The following PRKCB variants were observed in gnomAD, a reference collection of about 807,000 sequenced individuals.
The protein encoded by PRKCB is protein kinase C beta type.
PRKCB carries 13 observed loss-of-function variants against 81.5 expected under a neutral mutation model. The ratio of observed to expected loss-of-function variants is 0.16; its 90% confidence interval spans 0.10 to 0.25. The LOEUF is 0.25. Among genes scored for constraint, PRKCB ranks in the 10% least tolerant of loss-of-function variants. The pLI is 1.00. For synonymous variants in PRKCB, 335 were observed against 321.4 expected, an observed-to-expected ratio of 1.04 and a Z score of -0.45; for missense variants, 509 against 875.7, an observed-to-expected ratio of 0.58 and a Z score of 5.29.
At chr16:24,108,988 C>T (rs1966624077) in intron 7 of PRKCB, among the ~76,000 whole-genome samples, 1 of 146,320 alleles carries the variant, frequency 6.8e-6, no homozygotes, top group Admixed American at 6.7e-5. Flanking sequence ...GGGACTGACC[C>T]CCCCACCTCC....
At chr16:24,032,066 C>A in intron 3 of PRKCB, 70 bp from the exon 4 acceptor site, 1 of 1,132,404 alleles carries the variant, frequency 8.8e-7, no homozygotes, top group Non-Finnish European at 1.3e-6. Flanking sequence ...TCCAGTGCCT[C>A]TCGATGTAGG....
At chr16:24,022,903 G>C (rs112939268) in intron 3 of PRKCB, among the ~76,000 whole-genome samples, 300 of 152,316 alleles carry the variant, frequency 2.0e-3, no homozygotes, top group African/African-American at 6.7e-3. Flanking sequence ...GCTTGATATA[G>C]CTTCTGGGTT....
At position 23,854,594 on chromosome 16, in the gene PRKCB, G is replaced by A. The variant is rs147818489; in HGVS notation, c.205+17188G>A. The stretch of plus-strand genomic sequence containing the variant: ...ATATGCTGATGGGTGCATTCTCTGG[G>A]CATGAGCAAGGGCTGCAGGGCTTCT... On this transcript the variant is annotated intron_variant, in intron 2 of 16. Coordinates refer to ENST00000643927, the MANE Select transcript of PRKCB (RefSeq NM_002738.7). Among the ~76,000 whole-genome samples, 425 of 152,256 alleles carry A rather than the reference G, an allele frequency of 2.8e-3. 2 individuals carry two copies. The highest frequency in any genetic ancestry group is 9.9e-3 in the African/African-American group (410 of 41,528).
chr16:23,928,549 C>T (rs370403303), intron 2 of PRKCB, among the ~76,000 whole-genome samples: 10 of 152,062 alleles, frequency 6.6e-5, no homozygotes, highest in African/African-American at 2.4e-4. Context: ...AGGGTGGAGA[C>T]GCTGTCAGTG....
chr16:24,179,036 TCTGGTGACCC>T, intron 12 of PRKCB, among the ~76,000 whole-genome samples: 1 of 152,322 alleles, frequency 6.6e-6, no homozygotes, highest in East Asian at 1.9e-4. Context: ...CTTCTTTTCA[TCTGGTGACCC>T]CTGGAGTTTC....
At chr16:24,007,624 T>A (rs1015030364) in intron 3 of PRKCB, among the ~76,000 whole-genome samples, 15 of 152,274 alleles carry the variant, frequency 9.9e-5, no homozygotes, top group African/African-American at 3.6e-4. Flanking sequence ...AGCAAATCCA[T>A]GATGCTGGAA....
In PRKCB at chr16:24,215,565, C is replaced by G; in HGVS notation, c.*749C>G. 1.0e-6 allele frequency: 1 copy of G among 985,234 alleles called. No homozygotes were observed. The highest frequency in any genetic ancestry group is 1.2e-6 in the Non-Finnish European group (1 of 829,826). 61.0% of individuals were successfully genotyped at this position (985,234 alleles called of 1,614,324 possible). A position where few individuals can be genotyped will look rare whatever the true frequency, so the allele number is the denominator to read the frequency against. On this transcript the variant is annotated 3_prime_UTR_variant, in exon 17 of 17. Coordinates refer to ENST00000643927, the MANE Select transcript of PRKCB (RefSeq NM_002738.7). ...AACACAGTCACTCTAGCAAGGCCCC[C>G]AAAGGGCCCTGGTTTTACATTACAT... is the stretch of plus-strand genomic sequence containing the variant.
intron 15 of PRKCB, among the ~76,000 whole-genome samples, chr16:24,187,976 A>G (rs1191938412): frequency 2.0e-5 from 3 of 152,236 alleles, no homozygotes; most frequent in African/African-American, 7.2e-5. Flanking sequence ...AGCTCCTTGC[A>G]TGATGTGGGC....
chr16:23,919,644 C>T (rs1481708433), intron 2 of PRKCB, among the ~76,000 whole-genome samples: 1 of 152,200 alleles, frequency 6.6e-6, no homozygotes, highest in Admixed American at 6.5e-5. Flanking sequence ...ATTTCTCAAA[C>T]TCAAAACTCA....
intron 10 of PRKCB, among the ~76,000 whole-genome samples, chr16:24,156,435 C>A (rs1967158534): frequency 1.3e-5 from 2 of 152,068 alleles, no homozygotes; most frequent in South Asian, 4.2e-4. Flanking sequence ...CCACCACGCC[C>A]AGCTAATTTT....
In PRKCB at chr16:24,163,186, G is replaced by A. The variant is rs115652537; in HGVS notation, c.1239+8329G>A. Among the ~76,000 whole-genome samples, 552 of 152,276 alleles carry A rather than the reference G, an allele frequency of 3.6e-3. 3 individuals are homozygous for A. The highest frequency in any genetic ancestry group is 0.013 in the African/African-American group (525 of 41,548). ...TAACTCACTAGGAACCTTTTAAAAG[G>A]GGTTGTATCTACAGGGAGGGAATAA... On this transcript the variant is annotated intron_variant, in intron 10 of 16. Transcript: ENST00000643927.
intron 16 of PRKCB, among the ~76,000 whole-genome samples, chr16:24,201,831 C>T (rs556566337): frequency 1.3e-5 from 2 of 152,144 alleles, no homozygotes; most frequent in South Asian, 2.1e-4. Flanking sequence ...GTCAGGAGAT[C>T]GAGACCATCT....
Position 24,215,983 on chromosome 16 carries a change from C to T in PRKCB, c.*1167C>T. Reference sequence around the variant, plus strand: ...CCATTTTTCTTCTAGCATCGAGATACAATAAAAAAAAAAAAAAAGAAAAGA... The same window carrying T: ...CCATTTTTCTTCTAGCATCGAGATATAATAAAAAAAAAAAAAAAGAAAAGA... On this transcript the variant is annotated 3_prime_UTR_variant, in exon 17 of 17. Transcript: ENST00000643927. The T allele has an allele frequency of 8.2e-6, 7 of 855,344 alleles. No homozygotes were observed. The highest frequency in any genetic ancestry group is 9.5e-6 in the Non-Finnish European group (7 of 735,020). The allele number at this position is 855,344 out of a possible 1,614,324, so 53.0% of individuals were successfully genotyped here. A position where few individuals can be genotyped will look rare whatever the true frequency, so the allele number is the denominator to read the frequency against.
intron 8 of PRKCB, among the ~76,000 whole-genome samples, chr16:24,117,859 C>CA (rs542280260): frequency 2.6e-3 from 401 of 152,338 alleles, no homozygotes; most frequent in African/African-American, 9.3e-3. Flanking sequence ...ATTTCCCAAT[C>CA]AAGGGACAGG....
chr16:23,859,797 C>T (rs752825792), intron 2 of PRKCB, among the ~76,000 whole-genome samples: 12 of 151,646 alleles, frequency 7.9e-5, no homozygotes, highest in Non-Finnish European at 1.5e-4. Context: ...ACTTTAAAAG[C>T]AGGAGAGAAA....
At chr16:23,839,840 A>C (rs1302683256) in intron 2 of PRKCB, among the ~76,000 whole-genome samples, 1 of 152,226 alleles carries the variant, frequency 6.6e-6, no homozygotes, top group East Asian at 1.9e-4. Flanking sequence ...AGCTTGACAC[A>C]GAGTATGCTC....
At chr16:23,900,157 T>C (rs1963447359) in intron 2 of PRKCB, among the ~76,000 whole-genome samples, 1 of 152,106 alleles carries the variant, frequency 6.6e-6, no homozygotes. Context: ...CTGAACAAAA[T>C]ATACAAGACA....
At chr16:24,129,403 T>C (rs1374098175) in intron 9 of PRKCB, among the ~76,000 whole-genome samples, 1 of 152,160 alleles carries the variant, frequency 6.6e-6, no homozygotes, top group Non-Finnish European at 1.5e-5. Context: ...AGAAGATCTA[T>C]GTAAAAATGG....
At chr16:23,981,384 G>A (rs1964700137) in intron 2 of PRKCB, among the ~76,000 whole-genome samples, 1 of 151,832 alleles carries the variant, frequency 6.6e-6, no homozygotes, top group Non-Finnish European at 1.5e-5. Flanking sequence ...AGATAATCTA[G>A]TATAACCCCC....
Sources: allele counts gnomAD v4.1 joint callset (sites outside exome capture counted in the v4.1 genomes callset), GRCh38; gene constraint gnomAD v4.1.1; transcripts MANE v1.5; gene names NCBI Gene and HGNC (gene_info 2026-07-23, HGNC 2026-07-21).